CDKAL1: variants seen among roughly 807,000 people sequenced by gnomAD.
CDKAL1 encodes the protein threonylcarbamoyladenosine tRNA methylthiotransferase.
A neutral mutation model predicts 68.2 loss-of-function variants in CDKAL1; 32 were observed. That is an observed-to-expected ratio of 0.47 (90% CI 0.35 to 0.63). CDKAL1 has a LOEUF of 0.63. Ranked by LOEUF, CDKAL1 falls within the 30% of genes least tolerant of loss-of-function variation. CDKAL1 has a pLI of 0.00. For missense variants in CDKAL1, 606 were observed against 696.7 expected (o/e 0.87, Z 1.47); for synonymous variants, 234 against 244.3 (o/e 0.96, Z 0.39).
intron 5 of CDKAL1, among the ~76,000 whole-genome samples, chr6:20,687,284 A>G (rs1770670732): frequency 6.6e-6 from 1 of 152,218 alleles, no homozygotes; most frequent in Non-Finnish European, 1.5e-5. Flanking sequence ...AACATTCACC[A>G]GTGAACCAAT....
At chr6:21,052,049 C>G (rs943780172) in intron 11 of CDKAL1, among the ~76,000 whole-genome samples, 3 of 152,118 alleles carry the variant, frequency 2.0e-5, no homozygotes, top group Admixed American at 2.0e-4. Context: ...GGCTTTTCAG[C>G]CCTCATCTAA....
intron 4 of CDKAL1, among the ~76,000 whole-genome samples, chr6:20,562,227 A>G (rs1047696154): frequency 6.6e-6 from 1 of 151,208 alleles, no homozygotes; most frequent in African/African-American, 2.4e-5. Context: ...TAAGGGTGGG[A>G]ATGAGAGTGG....
At chr6:20,954,651 A>G (rs944821383) in intron 9 of CDKAL1, among the ~76,000 whole-genome samples, 5 of 151,850 alleles carry the variant, frequency 3.3e-5, no homozygotes, top group African/African-American at 1.2e-4. Flanking sequence ...CATTTTAAAT[A>G]ACATGAGGGG....
intron 4 of CDKAL1, among the ~76,000 whole-genome samples, chr6:20,564,832 A>C (rs75669325): frequency 0.011 from 1,668 of 152,310 alleles, 30 homozygotes; most frequent in African/African-American, 0.036. Context: ...TTTATCTTAA[A>C]AGTACCTTTG....
At chr6:20,739,639 A>G in intron 6 of CDKAL1, 24 bp downstream of exon 6, 1 of 1,388,584 alleles carries the variant, frequency 7.2e-7, no homozygotes, top group Non-Finnish European at 1.0e-6. Context: ...TGATGCAAAA[A>G]GAGAAAATCT....
At chr6:20,778,870 A>C (rs1005362758) in intron 7 of CDKAL1, among the ~76,000 whole-genome samples, 1 of 152,174 alleles carries the variant, frequency 6.6e-6, no homozygotes, top group Non-Finnish European at 1.5e-5. Context: ...TGCTTCACCC[A>C]GTGTACCAAT....
chr6:21,060,834 T>A (rs1386111491), intron 11 of CDKAL1, among the ~76,000 whole-genome samples: 1 of 152,164 alleles, frequency 6.6e-6, no homozygotes, highest in Non-Finnish European at 1.5e-5. Flanking sequence ...TGTGTTTTGT[T>A]TATGTCTATA....
rs571503482 is a variant in CDKAL1 at position 20,995,112 on chromosome 6, A to C, written c.910-5115A>C. The stretch of plus-strand genomic sequence containing the variant: ...TGTTCAAGTTTGATGATGAGATTGC[A>C]GCAATTCCGTCATATCTTCAGGCTC... On this transcript the variant is annotated intron_variant, in intron 10 of 15. Coordinates refer to ENST00000274695, the MANE Select transcript of CDKAL1 (RefSeq NM_017774.3). Among the ~76,000 whole-genome samples the C allele has an allele frequency of 2.0e-5, 3 of 152,362 alleles. No individual in the cohort carries two copies. The South Asian group carries it at 6.2e-4, about 32-fold the overall frequency.
intron 11 of CDKAL1, among the ~76,000 whole-genome samples, chr6:21,001,039 T>G (rs1767400669): frequency 6.6e-6 from 1 of 152,234 alleles, no homozygotes; most frequent in Non-Finnish European, 1.5e-5. Context: ...ATTGACTGCC[T>G]TCTGTGATTA....
At chr6:20,676,182 CTGT>C (rs2127786134) in intron 5 of CDKAL1, among the ~76,000 whole-genome samples, 1 of 124,112 alleles carries the variant, frequency 8.1e-6, no homozygotes, top group East Asian at 2.3e-4. Flanking sequence ...TTATAGTAAG[CTGT>C]TTAGTTTATT....
intron 5 of CDKAL1, among the ~76,000 whole-genome samples, chr6:20,657,669 G>A (rs765386715): frequency 1.2e-3 from 186 of 152,270 alleles, no homozygotes; most frequent in Non-Finnish European, 2.4e-3. Flanking sequence ...TTTGTGACAT[G>A]ACAGTTATGG....
intron 9 of CDKAL1, among the ~76,000 whole-genome samples, chr6:20,928,773 T>C (rs1244391197): frequency 6.8e-6 from 1 of 146,070 alleles, no homozygotes; most frequent in African/African-American, 2.5e-5. Flanking sequence ...CCTCAAACCA[T>C]CCTCCCACCT....
intron 4 of CDKAL1, among the ~76,000 whole-genome samples, chr6:20,638,531 C>A (rs1282499408): frequency 6.6e-6 from 1 of 151,972 alleles, no homozygotes; most frequent in East Asian, 1.9e-4. Flanking sequence ...GTGAAGGGCC[C>A]TGGAAAGTCC....
intron 11 of CDKAL1, among the ~76,000 whole-genome samples, chr6:21,033,942 A>AT (rs1769432914): frequency 3.3e-5 from 5 of 151,986 alleles, no homozygotes; most frequent in Admixed American, 3.3e-4. Flanking sequence ...GCCAGGTTAC[A>AT]GAGGGTTTAC....
intron 8 of CDKAL1, among the ~76,000 whole-genome samples, chr6:20,789,328 C>G (rs1230675568): frequency 6.6e-6 from 1 of 152,110 alleles, no homozygotes; most frequent in Admixed American, 6.6e-5. Flanking sequence ...TGGGAAAGAT[C>G]ATTCATAGGA....
Position 20,548,581 on chromosome 6 carries a change from A to G in CDKAL1, c.174-12A>G. Reference sequence around the variant, plus strand: ...GAAACTTACTTTTTTTTTTTTATTGATTCCTTAACAGCACTATTCCAGGCA... The same window carrying G: ...GAAACTTACTTTTTTTTTTTTATTGGTTCCTTAACAGCACTATTCCAGGCA... On this transcript the variant is annotated splice_polypyrimidine_tract_variant and intron_variant, in intron 3 of 15. Transcript: ENST00000274695. The G allele has an allele frequency of 1.9e-6, 2 of 1,052,180 alleles. No individual in the cohort carries two copies. The highest frequency in any genetic ancestry group is 1.6e-5 in the African/African-American group (1 of 61,354). 65.2% of individuals were successfully genotyped at this position (1,052,180 alleles called of 1,614,324 possible).
intron 4 of CDKAL1, among the ~76,000 whole-genome samples, chr6:20,557,760 C>T (rs767449800): frequency 6.6e-6 from 1 of 152,118 alleles, no homozygotes; most frequent in African/African-American, 2.4e-5. Context: ...AACCCCATCT[C>T]TACTAGAAAT....
At chr6:21,201,041 A>G (rs1368902077) in intron 14 of CDKAL1, 69 bp from the exon 15 acceptor site, 6 of 1,385,946 alleles carry the variant, frequency 4.3e-6, no homozygotes, top group Non-Finnish European at 6.0e-6. Flanking sequence ...TAATTCTATA[A>G]ATCTGAAACT....
intron 10 of CDKAL1, among the ~76,000 whole-genome samples, chr6:20,966,178 T>C (rs1765302969): frequency 1.3e-5 from 2 of 152,232 alleles, no homozygotes; most frequent in Admixed American, 1.3e-4. Flanking sequence ...GTCCGTTCCC[T>C]TCATCTGCTT....
Sources: allele counts gnomAD v4.1 joint callset (sites outside exome capture counted in the v4.1 genomes callset), GRCh38; gene constraint gnomAD v4.1.1; transcripts MANE v1.5; gene names NCBI Gene and HGNC (gene_info 2026-07-23, HGNC 2026-07-21).